OSBPL10: variants seen among roughly 807,000 people sequenced by gnomAD.
OSBPL10 encodes the protein oxysterol-binding protein-related protein 10.
OSBPL10 carries 49 observed loss-of-function variants against 81.7 expected under a neutral mutation model. That is an observed-to-expected ratio of 0.60 (90% confidence interval 0.48 to 0.76). The LOEUF (loss-of-function observed/expected upper bound fraction) is 0.76, where lower values mean the gene tolerates loss of function less well. Ranked by LOEUF, OSBPL10 falls within the 30% of genes least tolerant of loss-of-function variation. The pLI is 0.00. For missense variants in OSBPL10, 923 were observed against 987.8 expected, an observed-to-expected ratio of 0.93 and a Z score of 0.88; for synonymous variants, 419 against 383.6, an observed-to-expected ratio of 1.09 and a Z score of -1.08.
intron 1 of OSBPL10, among the ~76,000 whole-genome samples, chr3:31,971,132 CTTTTTTCTTTTTTTTTTTT>C (rs2125490858): frequency 8.2e-6 from 1 of 121,660 alleles, no homozygotes; most frequent in East Asian, 3.2e-4. Flanking sequence ...GTTTTTTTTT[CTTTTTTCTTTTTTTTTTTT>C]TTTTTTTGAG....
chr3:31,913,745 G>T (rs1273850448), intron 1 of OSBPL10, among the ~76,000 whole-genome samples: 1 of 152,128 alleles, frequency 6.6e-6, no homozygotes, highest in African/African-American at 2.4e-5. Flanking sequence ...TATTGTTACT[G>T]ACAAGAAGCG....
intron 2 of OSBPL10, among the ~76,000 whole-genome samples, chr3:32,030,892 G>T (rs147412364): frequency 6.6e-6 from 1 of 152,100 alleles, no homozygotes; most frequent in African/African-American, 2.4e-5. Flanking sequence ...GAGGCCGGGC[G>T]CGGTGGCTCA....
At chr3:31,999,239 A>C (rs1459103841) in intron 2 of OSBPL10, among the ~76,000 whole-genome samples, 1 of 151,480 alleles carries the variant, frequency 6.6e-6, no homozygotes, top group East Asian at 1.9e-4. Context: ...CTTGCCAGCT[A>C]CTCCCCTAAC....
At chr3:32,018,747 G>T (rs1699336762) in intron 2 of OSBPL10, among the ~76,000 whole-genome samples, 1 of 152,184 alleles carries the variant, frequency 6.6e-6, no homozygotes, top group Non-Finnish European at 1.5e-5. Context: ...GAAGACATCA[G>T]TGGCTGAATT....
chr3:31,909,982 CTTTTTTTTT>C (rs563373548), intron 1 of OSBPL10, among the ~76,000 whole-genome samples: 2 of 129,304 alleles, frequency 1.5e-5, no homozygotes, highest in African/African-American at 3.1e-5. Flanking sequence ...GTCTCCTGGC[CTTTTTTTTT>C]TTTTTTTTTT....
At chr3:31,980,864 G>A in intron 1 of OSBPL10, 35 bp downstream of exon 1, 2 of 1,525,848 alleles carry the variant, frequency 1.3e-6, no homozygotes. Flanking sequence ...CACACACACA[G>A]CGGCGCGCGG....
intron 2 of OSBPL10, among the ~76,000 whole-genome samples, chr3:31,877,669 A>G (rs917289272): frequency 2.0e-5 from 3 of 152,110 alleles, no homozygotes; most frequent in Admixed American, 1.3e-4. Flanking sequence ...TTCAGCTTGA[A>G]CTTTCAGGAG....
At chr3:31,902,969 G>T (rs931844653) in intron 1 of OSBPL10, among the ~76,000 whole-genome samples, 1 of 152,206 alleles carries the variant, frequency 6.6e-6, no homozygotes, top group Non-Finnish European at 1.5e-5. Context: ...AAAGCATGGA[G>T]AAAGACAGAG....
intron 1 of OSBPL10, among the ~76,000 whole-genome samples, chr3:31,926,289 G>GCCCGCCC (rs1553641092): frequency 1.0e-4 from 13 of 130,114 alleles, no homozygotes; most frequent in Admixed American, 4.7e-4. Context: ...GGGTGATTTT[G>GCCCGCCC]CCCCCCCAGA....
At position 31,705,371 on chromosome 3, in the gene OSBPL10, GAC is replaced by G. The variant is rs1491309307; in HGVS notation, c.1096-2865_1096-2864del. 1.8e-4 allele frequency among the ~76,000 whole-genome samples: 8 copies of G among 45,502 alleles called. No individual in the cohort carries two copies. In the Admixed American group the frequency reaches 2.0e-3, roughly 11 times the overall value. The allele number at this position is 45,502 out of a possible 152,430, so 29.9% of individuals were successfully genotyped here. On this transcript the variant is annotated intron_variant, in intron 6 of 11. Transcript: ENST00000396556. ...GCTCAGTCCATCTGCACAAAGAGAA[GAC>G]CCCCCCCCCCACCCCCATCGCGGTC...
At chr3:31,926,290 C>CCCCCCCCCCCT (rs1553641099) in intron 1 of OSBPL10, among the ~76,000 whole-genome samples, 51 of 45,454 alleles carry the variant, frequency 1.1e-3, no homozygotes, top group African/African-American at 4.1e-3. Flanking sequence ...GGTGATTTTG[C>CCCCCCCCCCCT]CCCCCCAGAG....
intron 7 of OSBPL10, among the ~76,000 whole-genome samples, chr3:31,686,012 C>T (rs1700783532): frequency 6.6e-6 from 1 of 152,178 alleles, no homozygotes; most frequent in African/African-American, 2.4e-5. Flanking sequence ...TTCTCACTCT[C>T]TCAGGACTGA....
At position 31,708,858 on chromosome 3, in the gene OSBPL10, A is replaced by G. The variant is rs185126174; in HGVS notation, c.1096-6350T>C. On this transcript the variant is annotated intron_variant, in intron 6 of 11. Transcript: ENST00000396556. ...GGGTGGATGTTCCACTTTGGTCAGA[A>G]GTCATGCCGAAGACAGAAGCTGTGG... The G allele has an allele frequency of 1.6e-5, 16 of 985,414 alleles. No homozygotes were observed. In the East Asian group the frequency reaches 1.7e-3, roughly 105 times the overall value. 61.0% of individuals were successfully genotyped at this position (985,414 alleles called of 1,614,324 possible).
intron 1 of OSBPL10, among the ~76,000 whole-genome samples, chr3:31,967,940 ATAGTGCACAC>A (rs1474824665): frequency 6.6e-6 from 1 of 152,270 alleles, no homozygotes; most frequent in East Asian, 1.9e-4. Context: ...GATTAAGTAT[ATAGTGCACAC>A]CCCAAGGTTT....
At chr3:31,885,957 T>C (rs1214052341) in intron 1 of OSBPL10, among the ~76,000 whole-genome samples, 1 of 130,980 alleles carries the variant, frequency 7.6e-6, no homozygotes, top group East Asian at 2.4e-4. Flanking sequence ...GTCACACCAT[T>C]GCACTCCAGC....
At chr3:31,870,594 C>G (rs929300602) in intron 3 of OSBPL10, among the ~76,000 whole-genome samples, 2 of 152,250 alleles carry the variant, frequency 1.3e-5, no homozygotes, top group Admixed American at 1.3e-4. Context: ...CTGGTGGGGC[C>G]TTGGAGAACC....
chr3:31,878,788 GATAA>G (rs1415030228), intron 2 of OSBPL10, among the ~76,000 whole-genome samples: 2 of 150,400 alleles, frequency 1.3e-5, no homozygotes, highest in East Asian at 2.0e-4. Context: ...CTCAGGACTT[GATAA>G]ATAATATAGA....
chr3:32,074,024 G>T (rs1699854081), intron 1 of OSBPL10, among the ~76,000 whole-genome samples: 1 of 152,020 alleles, frequency 6.6e-6, no homozygotes, highest in South Asian at 2.1e-4. Context: ...TGTCCTCACT[G>T]CCGCCAATCC....
chr3:31,898,574 GTC>G (rs1380579703), intron 1 of OSBPL10, among the ~76,000 whole-genome samples: 1 of 122,710 alleles, frequency 8.1e-6, no homozygotes, highest in Non-Finnish European at 1.7e-5. Context: ...GCAAGACCCT[GTC>G]TCTTAAAAAA....
Sources: gnomAD v4.1 joint callset for allele counts (sites outside exome capture counted in the v4.1 genomes callset) on GRCh38, gnomAD v4.1.1 for gene constraint, MANE v1.5 for transcripts, NCBI Gene and HGNC (gene_info 2026-07-23, HGNC 2026-07-21) for gene names.